AIFM3: variants seen among roughly 807,000 people sequenced by gnomAD.
AIFM3 encodes the protein AIF family member 3, also known as apoptosis-inducing factor 3.
In AIFM3, 71 loss-of-function variants were observed where a neutral mutation model predicts 82.7. That is an observed-to-expected ratio of 0.86 (90% confidence interval 0.71 to 1.05). The LOEUF is 1.05. Ranked by LOEUF, AIFM3 falls within the 50% of genes least tolerant of loss-of-function variation. The probability of loss-of-function intolerance (pLI) is 0.00; values close to 1 mark genes in which losing one functional copy is unlikely to be tolerated. For missense variants in AIFM3, 748 were observed against 816.7 expected (o/e 0.92, Z 1.03); for synonymous variants, 337 against 329.1 (o/e 1.02, Z -0.26).
chr22:20,966,547 G>A (rs1010249711), upstream of AIFM3: 1 of 152,298 alleles, frequency 6.6e-6, no homozygotes, highest in Non-Finnish European at 1.5e-5. Context: ...ACCAGACCAG[G>A]TGGGTCTCAG....
At chr22:20,966,581 G>A (rs1922907296), upstream of AIFM3, 1 of 152,376 alleles carries the variant, frequency 6.6e-6, no homozygotes, top group African/African-American at 2.4e-5. Context: ...GAGACTTCAG[G>A]AAGAACTTCC....
chr22:20,967,775 C>G, intron 1 of AIFM3, 30 bp from the exon 2 acceptor site: 3 of 671,548 alleles, frequency 4.5e-6, no homozygotes, highest in Non-Finnish European at 7.9e-6. Context: ...CCACACGCCC[C>G]GGTCCTGATG....
chr22:20,965,789 T>C (rs1264102542), upstream of AIFM3, among the ~76,000 whole-genome samples: 1 of 151,860 alleles, frequency 6.6e-6, no homozygotes, highest in South Asian at 2.1e-4. Flanking sequence ...CCAGGAGCCC[T>C]GGGAGGGTCA....
At chr22:20,969,487 TGGCGTGATCTC>T (rs1319264883) in intron 2 of AIFM3, among the ~76,000 whole-genome samples, 1 of 152,022 alleles carries the variant, frequency 6.6e-6, no homozygotes, top group Non-Finnish European at 1.5e-5. Flanking sequence ...TGGAGTGCAG[TGGCGTGATCTC>T]GGCTCACTGC....
chr22:20,979,789 G>A (rs761417261), intron 18 of AIFM3, 87 bp downstream of exon 18: 851 of 1,535,782 alleles, frequency 5.5e-4, no homozygotes, highest in Non-Finnish European at 7.1e-4. Flanking sequence ...CCCAGAACAA[G>A]AGCCCAGCCC....
At chr22:20,970,835 T>C (rs1326248269) in intron 2 of AIFM3, among the ~76,000 whole-genome samples, 1 of 152,246 alleles carries the variant, frequency 6.6e-6, no homozygotes, top group African/African-American at 2.4e-5. Flanking sequence ...ACTCCTGGAC[T>C]CAAGCGATCC....
intron 5 of AIFM3, 32 bp from the exon 6 acceptor site, chr22:20,974,220 G>C: frequency 6.2e-7 from 1 of 1,613,746 alleles, no homozygotes; most frequent in South Asian, 1.1e-5. Context: ...TGTGGGGTTC[G>C]GGGCTGGTCC....
intron 17 of AIFM3, 88 bp from the exon 18 acceptor site, chr22:20,979,539 G>C (rs963713655): frequency 2.0e-6 from 3 of 1,535,176 alleles, no homozygotes; most frequent in Non-Finnish European, 9.0e-7. Flanking sequence ...GTATGGAGCA[G>C]GGCCTGGGCG....
chr22:20,977,330 T>A, intron 14 of AIFM3: 2 of 620,470 alleles, frequency 3.2e-6, no homozygotes, highest in South Asian at 3.9e-5. Context: ...AACACTCATC[T>A]CCATGCCCTG....
Position 20,981,098 on chromosome 22 carries a change from G to A in AIFM3, c.*67G>A. On this transcript the variant is annotated 3_prime_UTR_variant, in exon 21 of 21. Coordinates refer to ENST00000440238, the MANE Select transcript of AIFM3 (RefSeq NM_001386814.1). ...GGGCACAGGCCAAGCCTTGGGGGCA[G>A]GTGCCAATCTCCAGTCCCAGGATCC... 2 of 1,602,638 alleles carry A rather than the reference G, an allele frequency of 1.2e-6. No individual in the cohort carries two copies. The highest frequency in any genetic ancestry group is 1.3e-5 in the African/African-American group (1 of 74,814).
At chr22:20,974,899 G>T in intron 8 of AIFM3, 83 bp downstream of exon 8, 1 of 1,401,094 alleles carries the variant, frequency 7.1e-7, no homozygotes, top group Non-Finnish European at 9.9e-7. Flanking sequence ...CACCCCATTG[G>T]GGTCTGGCCG....
intron 18 of AIFM3, 71 bp from the exon 19 acceptor site, chr22:20,979,949 C>A: frequency 7.1e-7 from 1 of 1,415,940 alleles, no homozygotes; most frequent in Non-Finnish European, 9.7e-7. Flanking sequence ...AGATGGACAG[C>A]AGTGCATCAG....
intron 19 of AIFM3, 59 bp from the exon 20 acceptor site, chr22:20,980,688 A>G (rs1423659289): frequency 1.9e-6 from 3 of 1,612,332 alleles, no homozygotes; most frequent in African/African-American, 2.7e-5. Context: ...AGGGGACATG[A>G]TAAATGACAT....
intron 2 of AIFM3, among the ~76,000 whole-genome samples, chr22:20,972,157 C>T (rs1601701969): frequency 1.3e-5 from 2 of 152,356 alleles, no homozygotes; most frequent in African/African-American, 4.8e-5. Context: ...GTAATCCCAG[C>T]ATTTTGGGAG....
intron 3 of AIFM3, 86 bp downstream of exon 3, chr22:20,973,606 C>T: frequency 7.1e-7 from 1 of 1,402,062 alleles, no homozygotes; most frequent in East Asian, 3.0e-5. Context: ...CGGGGTTGGC[C>T]TGAAGGGGCT....
At position 20,981,007 on chromosome 22, in the gene AIFM3, C is replaced by G; in HGVS notation, c.1794C>G (p.Ser598=). The change falls in exon 21 of 21, where the codon TCC becomes TCG. Residue 598 remains serine, a synonymous_variant. Coordinates refer to ENST00000440238, the MANE Select transcript of AIFM3 (RefSeq NM_001386814.1). ...ACTCCTGCAGGACTGGCGACATGTC[C>G]TGGCTTACGGGGAAAGGATCCTGAG... ...FVLHSKTGDM[S]WLTGKGS is the part of the protein sequence containing the mutation. 6.2e-7 allele frequency: 1 copy of G among 1,614,210 alleles called. No homozygotes were observed. The highest frequency in any genetic ancestry group is 8.5e-7 in the Non-Finnish European group (1 of 1,180,028).
upstream of AIFM3, among the ~76,000 whole-genome samples, chr22:20,965,687 G>A (rs1962337318): frequency 6.6e-6 from 1 of 152,158 alleles, no homozygotes; most frequent in South Asian, 2.1e-4. Flanking sequence ...AGTCCGATCT[G>A]GGCAGGAGCC....
Position 20,974,188 on chromosome 22 carries a change from C to T in AIFM3, c.465+16C>T, listed in dbSNP as rs200516562. 6.8e-6 allele frequency: 11 copies of T among 1,612,150 alleles called. No individual in the cohort carries two copies. The East Asian group carries it at 1.8e-4, about 26-fold the overall frequency. On this transcript the variant is annotated intron_variant, in intron 5 of 20. Transcript: ENST00000440238. The stretch of plus-strand genomic sequence containing the variant: ...CAAGTTCCAGGTGGGGCCAGGAGTG[C>T]GATGGGGTGGGAACCTGGGGGTGTG...
In AIFM3 at chr22:20,981,168, C is replaced by A; in HGVS notation, c.*137C>A. ...CCTCCCAGTGCTTGCCTTCAGCCAC[C>A]TGGCTCCCCTCCTGGGAGGCCTCTG... On this transcript the variant is annotated 3_prime_UTR_variant, in exon 21 of 21. Transcript: ENST00000440238. The A allele has an allele frequency of 8.1e-7, 1 of 1,236,334 alleles. No individual in the cohort carries two copies. The highest frequency in any genetic ancestry group is 1.1e-6 in the Non-Finnish European group (1 of 879,104). 76.6% of individuals were successfully genotyped at this position (1,236,334 alleles called of 1,614,324 possible).
Sources: gnomAD v4.1 joint callset for allele counts (sites outside exome capture counted in the v4.1 genomes callset) on GRCh38, gnomAD v4.1.1 for gene constraint, MANE v1.5 for transcripts, NCBI Gene and HGNC (gene_info 2026-07-23, HGNC 2026-07-21) for gene names.